The following EFL1 variants were observed in gnomAD, a reference collection of about 807,000 sequenced individuals.
EFL1 encodes elongation factor like GTPase 1.
A neutral mutation model predicts 126.7 loss-of-function variants in EFL1; 76 were observed. The observed-to-expected ratio is 0.60, with a 90% CI of 0.50 to 0.73. The LOEUF (loss-of-function observed/expected upper bound fraction) is 0.73, where lower values mean the gene tolerates loss of function less well. Among genes scored for constraint, EFL1 ranks in the 30% least tolerant of loss-of-function variants. The pLI, the probability that EFL1 is intolerant of heterozygous loss-of-function variation, is 0.00. For missense variants in EFL1, 1,128 were observed against 1,343.2 expected (o/e 0.84, Z 2.50); for synonymous variants, 410 against 448.4 (o/e 0.91, Z 1.08).
intron 15 of EFL1, among the ~76,000 whole-genome samples, chr15:82,185,705 G>C (rs1336962727): frequency 6.6e-6 from 1 of 152,088 alleles, no homozygotes; most frequent in Non-Finnish European, 1.5e-5. Flanking sequence ...ATATAAGGTA[G>C]TGTTCAACCT....
At chr15:82,180,705 G>A (rs994008142) in intron 15 of EFL1, among the ~76,000 whole-genome samples, 2 of 151,180 alleles carry the variant, frequency 1.3e-5, no homozygotes, top group Non-Finnish European at 2.9e-5. Flanking sequence ...ATACTTCTTG[G>A]TATACTTGGT....
In EFL1 at chr15:82,164,066, G is replaced by C. The variant is rs192949058; in HGVS notation, c.1751-82C>G. On this transcript the variant is annotated intron_variant, in intron 15 of 19. Coordinates refer to ENST00000268206, the MANE Select transcript of EFL1 (RefSeq NM_024580.6). ...TCAGAAAAACAGCAGCATCAACCCA[G>C]TATATGTATCACAGAGCCAAATGCT... 245 of 1,542,436 alleles carry C rather than the reference G, an allele frequency of 1.6e-4. 2 individuals are homozygous for C. The East Asian group carries it at 5.3e-3, about 34-fold the overall frequency.
chr15:82,207,220 A>G (rs1441274386), intron 15 of EFL1, among the ~76,000 whole-genome samples: 6 of 151,420 alleles, frequency 4.0e-5, no homozygotes, highest in Admixed American at 3.9e-4. Flanking sequence ...AAAGGAGGAT[A>G]CTTCCTTTTC....
chr15:82,201,217 T>C (rs142382341), intron 15 of EFL1, among the ~76,000 whole-genome samples: 1,718 of 152,268 alleles, frequency 0.011, 15 homozygotes, highest in Non-Finnish European at 0.019. Flanking sequence ...CAATATACAT[T>C]GAACACTCAA....
chr15:82,180,378 A>C (rs1008945005), intron 15 of EFL1, among the ~76,000 whole-genome samples: 6 of 129,894 alleles, frequency 4.6e-5, no homozygotes, highest in African/African-American at 2.0e-4. Flanking sequence ...AAAAACAAAA[A>C]AAAAACAAAC....
chr15:82,168,763 C>G (rs55914836), intron 15 of EFL1, among the ~76,000 whole-genome samples: 23,133 of 152,202 alleles, frequency 0.15, 3,169 homozygotes, highest in African/African-American at 0.37. Flanking sequence ...ATCCGCCCTC[C>G]TTGGCCTCCC....
intron 8 of EFL1, among the ~76,000 whole-genome samples, chr15:82,230,155 A>G (rs1260973031): frequency 1.3e-5 from 2 of 152,198 alleles, no homozygotes; most frequent in Non-Finnish European, 2.9e-5. Context: ...AGGGATGTAT[A>G]TATCTATGTA....
intron 3 of EFL1, among the ~76,000 whole-genome samples, chr15:82,258,466 A>G (rs553733490): frequency 6.6e-6 from 1 of 152,176 alleles, no homozygotes; most frequent in Admixed American, 6.5e-5. Context: ...TGGGAGGATC[A>G]CCTGAGCCCA....
chr15:82,253,616 T>C (rs912815434), intron 3 of EFL1, among the ~76,000 whole-genome samples: 1 of 152,198 alleles, frequency 6.6e-6, no homozygotes, highest in Non-Finnish European at 1.5e-5. Context: ...TGACAAATTC[T>C]GAGCAGAGAC....
At chr15:82,164,019 G>T in intron 15 of EFL1, 35 bp from the exon 16 acceptor site, 1 of 1,604,472 alleles carries the variant, frequency 6.2e-7, no homozygotes, top group Non-Finnish European at 8.5e-7. Flanking sequence ...GTCAATAAGG[G>T]ATGATAAATT....
At chr15:82,215,452 T>C (rs894749106) in intron 14 of EFL1, 10 of 152,170 alleles carry the variant, frequency 6.6e-5, no homozygotes, top group Non-Finnish European at 1.3e-4. Context: ...AGAGTACATT[T>C]ACAGCAAAAA....
At chr15:82,239,720 C>G (rs1324543629) in intron 6 of EFL1, among the ~76,000 whole-genome samples, 1 of 152,182 alleles carries the variant, frequency 6.6e-6, no homozygotes, top group Non-Finnish European at 1.5e-5. Context: ...CTGTACTGTG[C>G]TTTTTCTTGC....
At chr15:82,258,549 T>C (rs1030777910) in intron 3 of EFL1, among the ~76,000 whole-genome samples, 6 of 152,204 alleles carry the variant, frequency 3.9e-5, no homozygotes, top group African/African-American at 9.7e-5. Context: ...AGTGAGATCC[T>C]GTCTCAAAAA....
In EFL1 at chr15:82,228,426, T is replaced by C. The variant is rs1201498095; in HGVS notation, c.933-99A>G. 7.0e-6 allele frequency: 10 copies of C among 1,425,876 alleles called. No homozygotes were observed. In the African/African-American group the frequency reaches 1.4e-4, roughly 21 times the overall value. The allele number at this position is 1,425,876 out of a possible 1,614,324, so 88.3% of individuals were successfully genotyped here. ...TTGGCATATTTTTACCCTAATGTGT[T>C]ACTTTTTCAAAAAAAGCTAAAAATG... On this transcript the variant is annotated intron_variant, in intron 9 of 19. Transcript: ENST00000268206.
At chr15:82,153,091 C>T (rs1378071999) in intron 17 of EFL1, among the ~76,000 whole-genome samples, 1 of 152,038 alleles carries the variant, frequency 6.6e-6, no homozygotes, top group Non-Finnish European at 1.5e-5. Flanking sequence ...ATTTGAAATG[C>T]GGCTAGTATG....
chr15:82,158,094 C>T (rs2073986088), intron 16 of EFL1, among the ~76,000 whole-genome samples: 1 of 152,138 alleles, frequency 6.6e-6, no homozygotes. Flanking sequence ...CAAAGCTGAT[C>T]TATATTACTT....
intron 17 of EFL1, chr15:82,157,470 C>T (rs1217306838): frequency 5.5e-6 from 2 of 364,250 alleles, no homozygotes; most frequent in Non-Finnish European, 9.9e-6. Context: ...AAAATACATA[C>T]ACAGAAAAAC....
At position 82,219,816 on chromosome 15, in the gene EFL1, C is replaced by T. The variant is rs752809733; in HGVS notation, c.1447G>A (p.Asp483Asn). Residue 483 changes from aspartate (D) to asparagine (N), a missense_variant and splice_region_variant, in exon 14 of 20, where the codon GAC (aspartate) becomes AAC (asparagine). By Grantham distance (23) the Asp-to-Asn change is conservative. Around this residue, in one of 6 missense-constraint regions of EFL1, gnomAD observed 120 missense variants for 142.1 expected, o/e 0.84. Transcript: ENST00000268206. ...GTCATACTTTCCACCTGTTGCTCGT[C>T]ACCTGACAGAAACAAAAAGATAATT... ...TCPKGEEPRGDEQQVESMTPK... is the reference protein window; with the variant it reads ...TCPKGEEPRGNEQQVESMTPK... 3.1e-6 allele frequency: 5 copies of T among 1,599,952 alleles called. No individual in the cohort carries two copies. Among genetic ancestry groups the T allele is most frequent in the Non-Finnish European group, 4.3e-6 (5 of 1,176,222 alleles).
At chr15:82,153,219 C>A (rs1002194357) in intron 17 of EFL1, among the ~76,000 whole-genome samples, 1 of 152,068 alleles carries the variant, frequency 6.6e-6, no homozygotes, top group African/African-American at 2.4e-5. Context: ...CAGAAAGCCC[C>A]TTTTCCCACA....
Sources: gnomAD v4.1 joint callset for allele counts (sites outside exome capture counted in the v4.1 genomes callset) on GRCh38, gnomAD v4.1.1 for gene constraint, gnomAD v4.1.1 regional missense constraint, MANE v1.5 for transcripts, NCBI Gene and HGNC (gene_info 2026-07-23, HGNC 2026-07-21) for gene names.